XIRP2: variants seen among roughly 807,000 people sequenced by gnomAD.
XIRP2 encodes xin actin-binding repeat-containing protein 2.
A neutral mutation model predicts 277.0 loss-of-function variants in XIRP2; 236 were observed. The observed-to-expected ratio is 0.85, with a 90% CI of 0.77 to 0.95. The LOEUF (loss-of-function observed/expected upper bound fraction) is 0.95, where lower values mean the gene tolerates loss of function less well. Among genes scored for constraint, XIRP2 ranks in the 40% least tolerant of loss-of-function variants. The pLI, the probability that XIRP2 is intolerant of heterozygous loss-of-function variation, is 0.00. For missense variants in XIRP2, 4,640 were observed against 4,157.5 expected, an observed-to-expected ratio of 1.12 and a Z score of -3.19; for synonymous variants, 1,490 against 1,416.5, an observed-to-expected ratio of 1.05 and a Z score of -1.17.
At chr2:167,004,386 T>C (rs1687451723) in intron 2 of XIRP2, among the ~76,000 whole-genome samples, 1 of 151,940 alleles carries the variant, frequency 6.6e-6, no homozygotes, top group Non-Finnish European at 1.5e-5. Context: ...ATAAAGCAGT[T>C]TTTATTAAAA....
chr2:167,239,954 G>A lies in XIRP2; in HGVS notation c.958G>A (p.Gly320Arg), dbSNP rs746449522. ...CAAAGTACAGAAAATTGATGTTCAT[G>A]GAACAGAAATGGTAACTATTTAGAA... Reference protein sequence around the residue: ...GSKVQKIDVHGTEMVSHLEKH... With the variant: ...GSKVQKIDVHRTEMVSHLEKH... The change falls in exon 6 of 11, where the codon GGA becomes AGA. Residue 320 changes from glycine to arginine, a missense_variant. By Grantham distance (125) the Gly-to-Arg change is moderately radical (BLOSUM62 -2). Coordinates refer to ENST00000409195, the MANE Select transcript of XIRP2 (RefSeq NM_152381.6). 23 of 1,594,394 alleles carry A rather than the reference G, an allele frequency of 1.4e-5. No homozygotes were observed. In the East Asian group the frequency reaches 5.2e-4, roughly 36 times the overall value.
chr2:166,947,029 A>G (rs540001841), intron 2 of XIRP2, among the ~76,000 whole-genome samples: 1 of 152,274 alleles, frequency 6.6e-6, no homozygotes, highest in East Asian at 1.9e-4. Flanking sequence ...AGTATGATAA[A>G]TGCTTTGTTT....
intron 5 of XIRP2, among the ~76,000 whole-genome samples, chr2:167,229,840 C>T (rs1258076522): frequency 6.6e-6 from 1 of 152,012 alleles, no homozygotes. Context: ...TTCATTTTTG[C>T]CTAGCTTCTT....
chr2:166,965,161 C>G (rs566083169), intron 2 of XIRP2, among the ~76,000 whole-genome samples: 51 of 151,952 alleles, frequency 3.4e-4, no homozygotes, highest in African/African-American at 1.2e-3. Context: ...TAATAAGGGG[C>G]AGTTCTAATA....
At chr2:167,021,099 G>A (rs539422539) in intron 2 of XIRP2, among the ~76,000 whole-genome samples, 1 of 152,066 alleles carries the variant, frequency 6.6e-6, no homozygotes, top group South Asian at 2.1e-4. Context: ...TTTTAATTGT[G>A]ATGAGCTCTA....
At chr2:167,052,716 G>C (rs1688944833) in intron 2 of XIRP2, among the ~76,000 whole-genome samples, 1 of 152,058 alleles carries the variant, frequency 6.6e-6, no homozygotes, top group African/African-American at 2.4e-5. Flanking sequence ...AGTAAACCCT[G>C]ATCCAAAAGC....
In XIRP2 at chr2:167,250,128, T is replaced by A. The variant is rs1238896714; in HGVS notation, c.8736T>A (p.Asn2912Lys). 3.1e-6 allele frequency: 5 copies of A among 1,613,302 alleles called. No homozygotes were observed. Among genetic ancestry groups the A allele is most frequent in the Non-Finnish European group, 4.2e-6 (5 of 1,179,660 alleles). Residue 2912 changes from asparagine to lysine, a missense_variant, in exon 9 of 11, where the codon AAT becomes AAA. Coordinates refer to ENST00000409195, the MANE Select transcript of XIRP2 (RefSeq NM_152381.6). Reference protein sequence around the residue: ...KGIQEKQVFSNTKDSKQEITQ... With the variant: ...KGIQEKQVFSKTKDSKQEITQ... ...TACAAGAGAAACAAGTCTTCTCTAA[T>A]ACTAAAGATTCAAAGCAAGAGATTA...
At position 167,110,138 on chromosome 2, in the gene XIRP2, T is replaced by C. The variant is rs772579855; in HGVS notation, c.409-25771T>C. Among the ~76,000 whole-genome samples the C allele has an allele frequency of 5.7e-4, 87 of 152,180 alleles. 2 individuals carry two copies. Among genetic ancestry groups the C allele is most frequent in the Non-Finnish European group, 7.3e-5 (5 of 68,030 alleles). On this transcript the variant is annotated intron_variant, in intron 2 of 10. Transcript: ENST00000409195. ...TTCCGTAAGTTGTCTGTTTACTCTG[T>C]TGATAGTTTCTTTTGTTGTGCAGAA...
Position 167,238,936 on chromosome 2 carries a change from A to C in XIRP2, c.859-919A>C, listed in dbSNP as rs527724961. 4.6e-5 allele frequency among the ~76,000 whole-genome samples: 7 copies of C among 152,344 alleles called. No homozygotes were observed. In the East Asian group the frequency reaches 1.3e-3, roughly 29 times the overall value. On this transcript the variant is annotated intron_variant, in intron 5 of 10. Transcript: ENST00000409195. Reference sequence around the variant, plus strand: ...CAGAATCATATTCTGTAGTAAAAGCAGGACTGGATCACCAAAATTAATAGG... The same window carrying C: ...CAGAATCATATTCTGTAGTAAAAGCCGGACTGGATCACCAAAATTAATAGG...
intron 2 of XIRP2, among the ~76,000 whole-genome samples, chr2:166,982,222 T>C (rs1686888672): frequency 6.6e-6 from 1 of 151,996 alleles, no homozygotes; most frequent in Admixed American, 6.5e-5. Context: ...TAACTTCAAT[T>C]GTTCTTCCTT....
intron 5 of XIRP2, 109 bp from the exon 6 acceptor site, chr2:167,239,746 C>A: frequency 1.1e-6 from 1 of 915,908 alleles, no homozygotes; most frequent in Non-Finnish European, 1.6e-6. Context: ...AACTAATATA[C>A]TAAAGAATCT....
chr2:166,987,082 A>T (rs1000331635), intron 2 of XIRP2, among the ~76,000 whole-genome samples: 2 of 152,192 alleles, frequency 1.3e-5, no homozygotes. Flanking sequence ...TCTAGTATAA[A>T]CATGTTTAAA....
intron 2 of XIRP2, among the ~76,000 whole-genome samples, chr2:167,040,893 A>C (rs533587495): frequency 1.3e-5 from 2 of 152,214 alleles, no homozygotes; most frequent in Non-Finnish European, 2.9e-5. Flanking sequence ...CCCCCTGCCA[A>C]ATTGTGAGGG....
chr2:166,910,200 C>T (rs1684660519), intron 2 of XIRP2, among the ~76,000 whole-genome samples: 1 of 152,076 alleles, frequency 6.6e-6, no homozygotes, highest in African/African-American at 2.4e-5. Flanking sequence ...CCAGCTTCTC[C>T]TTGTACCTCT....
In XIRP2 at chr2:167,247,002, C is replaced by T; in HGVS notation, c.5610C>T (p.Ala1870=). ...AAATTATAAAAGGTAACATGCTAGC[C>T]ACACTCAAGTCACTTAAAGAATCAA... ...TEEIIKGNML[A]TLKSLKESSH... is the part of the protein sequence containing the mutation. The change falls in exon 9 of 11, where the codon GCC becomes GCT. Residue 1870 remains alanine (A), a synonymous_variant. Transcript: ENST00000409195. The T allele has an allele frequency of 6.2e-7, 1 of 1,613,558 alleles. No individual in the cohort carries two copies.
At position 167,217,283 on chromosome 2, in the gene XIRP2, T is replaced by TAAA. The variant is rs201024264; in HGVS notation, c.724-873_724-871dup. Among the ~76,000 whole-genome samples, 585 of 137,016 alleles carry TAAA rather than the reference T, an allele frequency of 4.3e-3. 3 individuals are homozygous for TAAA. The highest frequency in any genetic ancestry group is 0.014 in the African/African-American group (526 of 38,584). 89.9% of individuals were successfully genotyped at this position (137,016 alleles called of 152,430 possible). On this transcript the variant is annotated intron_variant, in intron 4 of 10. Transcript: ENST00000409195. ...ATGTACCCTAAAACTTAAAGTATAATAAAAAAAAAAAAGAAAAAAAAATTA... is the reference window on the plus strand; with the variant it reads ...ATGTACCCTAAAACTTAAAGTATAATAAAAAAAAAAAAAAAGAAAAAAAAATTA...
chr2:167,061,060 T>C (rs1689161531), intron 2 of XIRP2, among the ~76,000 whole-genome samples: 1 of 152,154 alleles, frequency 6.6e-6, no homozygotes, highest in African/African-American at 2.4e-5. Context: ...TATTAAAGCA[T>C]ACAGTATTGA....
intron 5 of XIRP2, among the ~76,000 whole-genome samples, chr2:167,232,359 G>T (rs376506736): frequency 4.0e-5 from 6 of 151,842 alleles, no homozygotes; most frequent in East Asian, 1.9e-4. Flanking sequence ...AGCCAGAATG[G>T]TTTGGAAGTG....
intron 2 of XIRP2, among the ~76,000 whole-genome samples, chr2:167,027,302 C>T (rs1053327176): frequency 6.6e-6 from 1 of 152,112 alleles, no homozygotes; most frequent in Non-Finnish European, 1.5e-5. Context: ...ACATCAGCTC[C>T]TGAGGCTTCT....
Sources: gnomAD v4.1 joint callset for allele counts (sites outside exome capture counted in the v4.1 genomes callset) on GRCh38, gnomAD v4.1.1 for gene constraint, MANE v1.5 for transcripts, NCBI Gene and HGNC (gene_info 2026-07-23, HGNC 2026-07-21) for gene names.